Variants in INHBA observed in about 807,000 individuals in gnomAD.
INHBA encodes the protein inhibin beta A chain.
A neutral mutation model predicts 29.0 loss-of-function variants in INHBA; 1 was observed. The observed-to-expected ratio is 0.03, with a 90% CI of 0.01 to 0.16. INHBA has a LOEUF of 0.16. INHBA is among the 10% of genes least tolerant of loss of function. INHBA has a pLI of 1.00. For missense variants in INHBA, 376 were observed against 545.4 expected, an observed-to-expected ratio of 0.69 and a Z score of 3.09; for synonymous variants, 242 against 216.8, an observed-to-expected ratio of 1.12 and a Z score of -1.02.
At position 41,686,394 on chromosome 7, in the gene INHBA, G is replaced by A. The variant is rs1794393461; in HGVS notation, c.*3256C>T. 1 of 152,090 alleles carries A rather than the reference G, an allele frequency of 6.6e-6. No homozygotes were observed. Among genetic ancestry groups the A allele is most frequent in the Non-Finnish European group, 1.5e-5 (1 of 67,986 alleles). The allele number at this position is 152,090 out of a possible 1,614,324, so 9.4% of individuals were successfully genotyped here. A position where few individuals can be genotyped will look rare whatever the true frequency, so the allele number is the denominator to read the frequency against. Reference sequence around the variant, plus strand: ...AGTGAGGAGATAGTAAGGTTAGATAGAGCCACTGAGTTTCAAGAAAAAAAC... The same window carrying A: ...AGTGAGGAGATAGTAAGGTTAGATAAAGCCACTGAGTTTCAAGAAAAAAAC... On this transcript the variant is annotated 3_prime_UTR_variant, in exon 3 of 3. Transcript: ENST00000242208.
intron 1 of INHBA, among the ~76,000 whole-genome samples, chr7:41,702,293 T>C (rs1314556824): frequency 1.3e-5 from 2 of 152,172 alleles, no homozygotes; most frequent in Admixed American, 1.3e-4. Context: ...TAACAATGCT[T>C]TCTGAATTAT....
rs151304258 is a variant in INHBA, at chr7:41,689,513, G to GT, written c.*136dup. ...CAGGTTTTGTTTTTAATTTACTTTT[G>GT]TTTTTTTTTGTTTTTTTTTTTGTTT... is the stretch of plus-strand genomic sequence containing the variant. On this transcript the variant is annotated 3_prime_UTR_variant, in exon 3 of 3. Transcript: ENST00000242208. 0.069 allele frequency: 49,158 copies of GT among 709,468 alleles called. 1,610 individuals are homozygous for GT. Among genetic ancestry groups the GT allele is most frequent in the Non-Finnish European group, 0.077 (37,753 of 493,124 alleles). 43.9% of individuals were successfully genotyped at this position (709,468 alleles called of 1,614,324 possible).
Position 41,685,842 on chromosome 7 carries a change from A to G in INHBA, c.*3808T>C, listed in dbSNP as rs763041782. Reference sequence around the variant, plus strand: ...ACAGGGTTTAATTTAAACACATACAATGTCCACCCCCAAACCTTCTGCCCA... The same window carrying G: ...ACAGGGTTTAATTTAAACACATACAGTGTCCACCCCCAAACCTTCTGCCCA... On this transcript the variant is annotated 3_prime_UTR_variant, in exon 3 of 3. Transcript: ENST00000242208. The G allele has an allele frequency of 5.3e-5, 8 of 152,162 alleles. No individual in the cohort carries two copies. Among genetic ancestry groups the G allele is most frequent in the African/African-American group, 1.4e-4 (6 of 41,452 alleles). The allele number at this position is 152,162 out of a possible 1,614,324, so 9.4% of individuals were successfully genotyped here.
At position 41,689,902 on chromosome 7, in the gene INHBA, A is replaced by T. The variant is rs770027223; in HGVS notation, c.1029T>A (p.Ser343=). Residue 343 remains serine (S), a synonymous_variant, in exon 3 of 3, where the codon TCT becomes TCA. Coordinates refer to ENST00000242208, the MANE Select transcript of INHBA (RefSeq NM_002192.4). ...IGWNDWIIAP[S]GYHANYCEGE... is the part of the protein sequence containing the mutation. ...CCTCGCAGTAGTTGGCATGATAGCCAGAGGGAGCAATGATCCAGTCATTCC... is the reference window on the plus strand; with the variant it reads ...CCTCGCAGTAGTTGGCATGATAGCCTGAGGGAGCAATGATCCAGTCATTCC... 1.3e-5 allele frequency: 21 copies of T among 1,614,066 alleles called. No homozygotes were observed. Among genetic ancestry groups the T allele is most frequent in the Non-Finnish European group, 1.7e-5 (20 of 1,180,034 alleles).
upstream of INHBA, among the ~76,000 whole-genome samples, chr7:41,704,682 G>A (rs1648578080): frequency 6.7e-6 from 1 of 148,994 alleles, no homozygotes; most frequent in Admixed American, 6.7e-5. Flanking sequence ...GGGGGTGGGG[G>A]GCACAAAACA....
intron 2 of INHBA, among the ~76,000 whole-genome samples, chr7:41,693,314 G>T (rs752085466): frequency 1.1e-4 from 16 of 152,186 alleles, no homozygotes; most frequent in Non-Finnish European, 1.6e-4. Context: ...TGCCAGAAGG[G>T]GTCAGGGTGA....
At chr7:41,699,705 T>C (rs907021076) in intron 2 of INHBA, among the ~76,000 whole-genome samples, 12 of 152,206 alleles carry the variant, frequency 7.9e-5, no homozygotes, top group Admixed American at 6.5e-4. Context: ...CAGCTCAACA[T>C]TGGCCCCGAG....
chr7:41,703,432 G>A (rs1371724369), upstream of INHBA, among the ~76,000 whole-genome samples: 1 of 152,046 alleles, frequency 6.6e-6, no homozygotes, highest in Non-Finnish European at 1.5e-5. Context: ...TCAGTTTTAT[G>A]TCTTTACATA....
At chr7:41,700,550 T>G (rs1217143301) in intron 1 of INHBA, 33 bp from the exon 2 acceptor site, 3 of 579,758 alleles carry the variant, frequency 5.2e-6, no homozygotes, top group South Asian at 4.2e-5. Flanking sequence ...TCTGTGAAGT[T>G]TTGTTTGCAG....
chr7:41,690,158 C>A lies in INHBA; in HGVS notation c.773G>T (p.Gly258Val), dbSNP rs1431859332. ...QESGASLVLL[G>V]KKKKKEEEGE... is the part of the protein sequence containing the mutation. ...CTCCTCTTCTTTCTTCTTCTTCTTG[C>A]CCAGGAGAACCAAGCTGGCGCCACT... Residue 258 changes from glycine (G) to valine (V), a missense_variant, in exon 3 of 3, where the codon GGC (glycine) becomes GTC (valine). Gly to Val is a moderately radical substitution (Grantham distance 109). This residue lies in a region of INHBA where 253 missense variants were observed against 313.4 expected (regional missense o/e 0.81). Coordinates refer to ENST00000242208, the MANE Select transcript of INHBA (RefSeq NM_002192.4). 1.2e-6 allele frequency: 2 copies of A among 1,613,458 alleles called. No individual in the cohort carries two copies. Among genetic ancestry groups the A allele is most frequent in the East Asian group, 4.5e-5 (2 of 44,806 alleles).
At position 41,700,297 on chromosome 7, in the gene INHBA, G is replaced by C; in HGVS notation, c.78C>G (p.Ser26=). The C allele has an allele frequency of 4.4e-6, 7 of 1,580,396 alleles. No individual in the cohort carries two copies. Among genetic ancestry groups the C allele is most frequent in the Non-Finnish European group, 5.2e-6 (6 of 1,161,458 alleles). The part of the protein sequence containing the change: ...IIVRSSPTPG[S]EGHSAAPDCP... ...AGTCGGGGGCCGCGCTGTGCCCCTC[G>C]GATCCTGGGGTGGGGGAACTCCTCA... Residue 26 remains serine (S), a synonymous_variant, in exon 2 of 3, where the codon TCC becomes TCG. Coordinates refer to ENST00000242208, the MANE Select transcript of INHBA (RefSeq NM_002192.4).
chr7:41,688,020 C>A lies in INHBA; in HGVS notation c.*1630G>T, dbSNP rs1268652869. The A allele has an allele frequency of 6.6e-6, 1 of 152,180 alleles. No individual in the cohort carries two copies. Among genetic ancestry groups the A allele is most frequent in the African/African-American group, 2.4e-5 (1 of 41,438 alleles). 9.4% of individuals were successfully genotyped at this position (152,180 alleles called of 1,614,324 possible). A position where few individuals can be genotyped will look rare whatever the true frequency, so the allele number is the denominator to read the frequency against. On this transcript the variant is annotated 3_prime_UTR_variant, in exon 3 of 3. Transcript: ENST00000242208. ...ATGAAAGAGGGCCTTGCTGAATATT[C>A]ACTGGAATTTCCAGGCTTTTTCCCA...
At chr7:41,690,665 C>G in intron 2 of INHBA, 123 bp from the exon 3 acceptor site, 1 of 1,234,724 alleles carries the variant, frequency 8.1e-7, no homozygotes, top group Non-Finnish European at 1.1e-6. Context: ...TAGGGGTCAA[C>G]AAATGACAGC....
At chr7:41,690,670 G>T in intron 2 of INHBA, 128 bp from the exon 3 acceptor site, 1 of 1,189,458 alleles carries the variant, frequency 8.4e-7, no homozygotes. Context: ...GTCAACAAAT[G>T]ACAGCCCATG....
intron 2 of INHBA, 25 bp downstream of exon 2, chr7:41,699,956 CTCCCCA>C: frequency 3.6e-6 from 1 of 277,630 alleles, no homozygotes; most frequent in South Asian, 4.9e-5. Context: ...CCCCCCACCC[CTCCCCA>C]CCCCCTGCCA....
At chr7:41,702,462 G>C (rs1429273246) in intron 1 of INHBA, among the ~76,000 whole-genome samples, 1 of 152,146 alleles carries the variant, frequency 6.6e-6, no homozygotes, top group Non-Finnish European at 1.5e-5. Context: ...TTTTTACGGG[G>C]ATGGTGAAAG....
chr7:41,690,015 G>A lies in INHBA; in HGVS notation c.916C>T (p.Arg306Cys), dbSNP rs564878978. The A allele has an allele frequency of 6.2e-7, 1 of 1,614,056 alleles. No homozygotes were observed. The highest frequency in any genetic ancestry group is 8.5e-7 in the Non-Finnish European group (1 of 1,180,028). ...CACTCCAAGCCCCGCCGACGCCGGC[G>A]ATGAGGGTGGTCTTCAGACTGCCGG... ...QARQSEDHPH[R>C]RRRRGLECDG... The change falls in exon 3 of 3, where the codon CGC becomes TGC. Residue 306 changes from arginine (R) to cysteine (C), a missense_variant. Arg to Cys is a radical substitution (Grantham distance 180, BLOSUM62 -3). Transcript: ENST00000242208.
chr7:41,704,611 A>AGTGTGTGTGTGTGTGTGT (rs60031309), upstream of INHBA, among the ~76,000 whole-genome samples: 1 of 101,228 alleles, frequency 9.9e-6, no homozygotes, highest in African/African-American at 4.0e-5. Context: ...CACACAAAGT[A>AGTGTGTGTGTGTGTGTGT]GTGTGTGTGT....
In INHBA at chr7:41,685,427, G is replaced by A. The variant is rs984854241; in HGVS notation, c.*4223C>T. 6.6e-6 allele frequency: 1 copy of A among 151,822 alleles called. No homozygotes were observed. The highest frequency in any genetic ancestry group is 2.4e-5 in the African/African-American group (1 of 41,362). 9.4% of individuals were successfully genotyped at this position (151,822 alleles called of 1,614,324 possible). The stretch of plus-strand genomic sequence containing the variant: ...TAATTACATTAGCCAAACAGACATT[G>A]GTTAAAGAACTGCATGTAGTATGCA... On this transcript the variant is annotated 3_prime_UTR_variant, in exon 3 of 3. Coordinates refer to ENST00000242208, the MANE Select transcript of INHBA (RefSeq NM_002192.4).
Sources: gnomAD v4.1 joint callset for allele counts (sites outside exome capture counted in the v4.1 genomes callset) on GRCh38, gnomAD v4.1.1 for gene constraint, gnomAD v4.1.1 regional missense constraint, MANE v1.5 for transcripts, NCBI Gene and HGNC (gene_info 2026-07-23, HGNC 2026-07-21) for gene names.